The following PLXNA2 variants were observed in gnomAD, a reference collection of about 807,000 sequenced individuals.
The protein encoded by PLXNA2 is plexin A2.
PLXNA2 carries 91 observed loss-of-function variants against 193.5 expected under a neutral mutation model. That is an observed-to-expected ratio of 0.47 (90% CI 0.40 to 0.56). The LOEUF is 0.56. Among genes scored for constraint, PLXNA2 ranks in the 20% least tolerant of loss-of-function variants. The pLI, the probability that PLXNA2 is intolerant of heterozygous loss-of-function variation, is 0.00. For synonymous variants in PLXNA2, 997 were observed against 1,027.3 expected (o/e 0.97, Z 0.56); for missense variants, 1,995 against 2,503.2 (o/e 0.80, Z 4.33).
chr1:208,163,310 G>A (rs17012128), intron 3 of PLXNA2, among the ~76,000 whole-genome samples: 1,800 of 152,294 alleles, frequency 0.012, 46 homozygotes, highest in East Asian at 0.084. Flanking sequence ...AAATGTGAAA[G>A]CTAACTTAGA....
intron 17 of PLXNA2, among the ~76,000 whole-genome samples, chr1:208,047,888 A>G (rs1406268327): frequency 1.3e-5 from 2 of 152,208 alleles, no homozygotes; most frequent in African/African-American, 4.8e-5. Flanking sequence ...GGGAGGGAGT[A>G]CACATTCCTG....
At chr1:208,208,020 A>G (rs558254206) in intron 3 of PLXNA2, among the ~76,000 whole-genome samples, 1 of 152,398 alleles carries the variant, frequency 6.6e-6, no homozygotes, top group Non-Finnish European at 1.5e-5. Context: ...GGGTTTCAAT[A>G]AGGCCAGGAG....
rs200723389 is a variant in PLXNA2, at chr1:208,028,816, A to T, written c.5438+14T>A. On this transcript the variant is annotated intron_variant, in intron 30 of 31. Coordinates refer to ENST00000367033, the MANE Select transcript of PLXNA2 (RefSeq NM_025179.4). The surrounding 1 kb of genome is among the most constrained non-coding windows in gnomAD (Gnocchi z 4.2). ...GAGACAAGGGCATGGGCCTGTCCTGAGGGTGCTACTGACCTCTCCACCCAG... is the reference window on the plus strand; with the variant it reads ...GAGACAAGGGCATGGGCCTGTCCTGTGGGTGCTACTGACCTCTCCACCCAG... 1.1e-5 allele frequency: 18 copies of T among 1,610,330 alleles called. No individual in the cohort carries two copies. The highest frequency in any genetic ancestry group is 1.4e-5 in the Non-Finnish European group (17 of 1,177,354).
At chr1:208,092,442 C>T (rs954976949) in intron 9 of PLXNA2, among the ~76,000 whole-genome samples, 3 of 152,218 alleles carry the variant, frequency 2.0e-5, no homozygotes, top group African/African-American at 4.8e-5. Flanking sequence ...AAGGGCTAGA[C>T]TCAAAGAATA....
intron 4 of PLXNA2, among the ~76,000 whole-genome samples, chr1:208,136,095 C>G (rs757985508): frequency 6.6e-6 from 1 of 152,204 alleles, no homozygotes; most frequent in African/African-American, 2.4e-5. Flanking sequence ...CCAGCTTCCA[C>G]TTCCCAGACA....
intron 4 of PLXNA2, among the ~76,000 whole-genome samples, chr1:208,113,285 G>A (rs776689408): frequency 1.8e-4 from 27 of 152,134 alleles, no homozygotes; most frequent in Non-Finnish European, 3.4e-4. Context: ...AGGCAGGGAT[G>A]CCCCCTACCT....
Position 208,113,677 on chromosome 1 carries a change from G to A in PLXNA2, c.1507-10430C>T, listed in dbSNP as rs566067653. On this transcript the variant is annotated intron_variant, in intron 4 of 31. Transcript: ENST00000367033. Reference sequence around the variant, plus strand: ...CAATCCTCCCACCTCAGCCTCCTGAGTAGCTGAGACTAGAGGCATGTCATG... The same window carrying A: ...CAATCCTCCCACCTCAGCCTCCTGAATAGCTGAGACTAGAGGCATGTCATG... Among the ~76,000 whole-genome samples, 4 of 151,138 alleles carry A rather than the reference G, an allele frequency of 2.6e-5. No homozygotes were observed. In the East Asian group the frequency reaches 7.9e-4, roughly 30 times the overall value.
At chr1:208,239,404 T>C (rs1381226886) in intron 1 of PLXNA2, among the ~76,000 whole-genome samples, 1 of 152,358 alleles carries the variant, frequency 6.6e-6, no homozygotes, top group Non-Finnish European at 1.5e-5. Flanking sequence ...CCTTGCTGTC[T>C]TCCTCCCTCT....
chr1:208,225,011 C>G (rs1037419452), intron 1 of PLXNA2, among the ~76,000 whole-genome samples: 3 of 152,186 alleles, frequency 2.0e-5, no homozygotes, highest in African/African-American at 7.2e-5. Context: ...AGAACCCATA[C>G]TCCAGGCGGT....
chr1:208,079,727 T>G (rs1184657212), intron 11 of PLXNA2, among the ~76,000 whole-genome samples: 1 of 152,176 alleles, frequency 6.6e-6, no homozygotes, highest in African/African-American at 2.4e-5. Context: ...CCTAGCAATG[T>G]GAGAGAGGAT....
intron 4 of PLXNA2, among the ~76,000 whole-genome samples, chr1:208,113,664 C>A (rs1036767730): frequency 2.0e-5 from 3 of 151,676 alleles, no homozygotes; most frequent in Non-Finnish European, 4.4e-5. Flanking sequence ...ATCCTCCCAC[C>A]TCAGCCTCCT....
chr1:208,216,949 G>T lies in PLXNA2; in HGVS notation c.974C>A (p.Ala325Asp), dbSNP rs555250804. 6.2e-7 allele frequency: 1 copy of T among 1,614,154 alleles called. No individual in the cohort carries two copies. Among genetic ancestry groups the T allele is most frequent in the Non-Finnish European group, 8.5e-7 (1 of 1,180,024 alleles). ...LAKPGDSLAQ[A>D]FNITSQDDVL... ...ATCGTCCTGGCTGGTGATATTGAAGGCCTGGGCCAGTGAGTCCCCAGGCTT... is the reference window on the plus strand; with the variant it reads ...ATCGTCCTGGCTGGTGATATTGAAGTCCTGGGCCAGTGAGTCCCCAGGCTT... The change falls in exon 2 of 32, where the codon GCC becomes GAC. Residue 325 changes from alanine to aspartate, a missense_variant. By Grantham distance (126) the Ala-to-Asp change is moderately radical (BLOSUM62 -2). This residue lies in a region of PLXNA2 where 702 missense variants were observed against 812.9 expected (regional missense o/e 0.86). Transcript: ENST00000367033.
At chr1:208,239,077 C>A (rs1286918669) in intron 1 of PLXNA2, among the ~76,000 whole-genome samples, 2 of 152,100 alleles carry the variant, frequency 1.3e-5, no homozygotes, top group Admixed American at 6.5e-5. Flanking sequence ...GGCAATAGGA[C>A]CCTACCAGTT....
chr1:208,049,190 T>C (rs1665171651), intron 17 of PLXNA2, among the ~76,000 whole-genome samples: 1 of 152,208 alleles, frequency 6.6e-6, no homozygotes, highest in African/African-American at 2.4e-5. Flanking sequence ...CCCTGGGGCA[T>C]GGACTTCCCT....
intron 4 of PLXNA2, among the ~76,000 whole-genome samples, chr1:208,136,759 C>T (rs1027062939): frequency 1.3e-5 from 2 of 152,202 alleles, no homozygotes; most frequent in African/African-American, 4.8e-5. Context: ...GGAGGAATGG[C>T]AGTTGGAGGC....
chr1:208,094,314 C>A lies in PLXNA2; in HGVS notation c.1983-1414G>T, dbSNP rs141048918. Among the ~76,000 whole-genome samples, 1,012 of 152,180 alleles carry A rather than the reference C, an allele frequency of 6.7e-3. 8 individuals carry two copies. Among genetic ancestry groups the A allele is most frequent in the African/African-American group, 0.022 (894 of 41,510 alleles). ...GGGCCTCAGTTTACTTTTATTACAG[C>A]AAATTATTAAAAGGAGGGGACTATA... On this transcript the variant is annotated intron_variant, in intron 8 of 31. Coordinates refer to ENST00000367033, the MANE Select transcript of PLXNA2 (RefSeq NM_025179.4).
intron 3 of PLXNA2, among the ~76,000 whole-genome samples, chr1:208,203,161 C>A (rs578060813): frequency 1.1e-4 from 17 of 152,294 alleles, no homozygotes; most frequent in African/African-American, 3.6e-4. Flanking sequence ...GCAGCCTTTC[C>A]CAGCTTTCAG....
intron 3 of PLXNA2, among the ~76,000 whole-genome samples, chr1:208,177,726 T>A (rs146957094): frequency 6.6e-6 from 1 of 152,252 alleles, no homozygotes; most frequent in Non-Finnish European, 1.5e-5. Flanking sequence ...TAAGTGGTTC[T>A]CAACCGTGGT....
chr1:208,127,523 G>T (rs1053330085), intron 4 of PLXNA2, among the ~76,000 whole-genome samples: 10 of 152,322 alleles, frequency 6.6e-5, no homozygotes, highest in Non-Finnish European at 8.8e-5. Context: ...ACTTCCCGAG[G>T]TGCACACCTC....
Sources: gnomAD v4.1 joint callset for allele counts (sites outside exome capture counted in the v4.1 genomes callset) on GRCh38, gnomAD v4.1.1 for gene constraint, gnomAD v4.1.1 regional missense constraint, Gnocchi (gnomAD v3.1) non-coding constraint, MANE v1.5 for transcripts, NCBI Gene and HGNC (gene_info 2026-07-23, HGNC 2026-07-21) for gene names.